The following ZHX2 variants were observed in gnomAD, a reference collection of about 807,000 sequenced individuals.
ZHX2 encodes the protein zinc fingers and homeoboxes protein 2.
In ZHX2, 6 loss-of-function variants were observed where a neutral mutation model predicts 21.9. The ratio of observed to expected loss-of-function variants is 0.27; its 90% CI spans 0.15 to 0.54. The LOEUF (loss-of-function observed/expected upper bound fraction) is 0.54, where lower values mean the gene tolerates loss of function less well. ZHX2 is among the 20% of genes least tolerant of loss of function. ZHX2 has a pLI of 0.95. For missense variants in ZHX2, 908 were observed against 1,090.7 expected (o/e 0.83, Z 2.36); for synonymous variants, 434 against 437.1 (o/e 0.99, Z 0.09).
intron 2 of ZHX2, among the ~76,000 whole-genome samples, chr8:122,883,393 A>T (rs1235398588): frequency 1.3e-5 from 2 of 152,200 alleles, no homozygotes; most frequent in Admixed American, 1.3e-4. Context: ...GGAGAAGGGA[A>T]GCAAGAGAGA....
At chr8:122,946,860 C>T (rs1018714253) in intron 2 of ZHX2, among the ~76,000 whole-genome samples, 3 of 152,086 alleles carry the variant, frequency 2.0e-5, no homozygotes, top group South Asian at 2.1e-4. Context: ...CATGTTCACA[C>T]GTGTGCACAC....
Position 122,951,921 on chromosome 8 carries a change from C to T in ZHX2, c.411C>T (p.Ala137=). ...DHNSKFHPGE[A]NFKLKLIKRN... is the part of the protein sequence containing the mutation. Reference sequence around the variant, plus strand: ...ACTCCAAGTTCCATCCCGGGGAGGCCAACTTCAAGCTGAAGTTAATTAAAC... The same window carrying T: ...ACTCCAAGTTCCATCCCGGGGAGGCTAACTTCAAGCTGAAGTTAATTAAAC... Residue 137 remains alanine, a synonymous_variant, in exon 3 of 4, where the codon GCC becomes GCT. Transcript: ENST00000314393. The T allele has an allele frequency of 1.2e-6, 2 of 1,614,060 alleles. No homozygotes were observed. Among genetic ancestry groups the T allele is most frequent in the Non-Finnish European group, 1.7e-6 (2 of 1,180,016 alleles).
At chr8:122,864,480 A>C (rs12679756) in intron 2 of ZHX2, among the ~76,000 whole-genome samples, 3,072 of 151,924 alleles carry the variant, frequency 0.02, 102 homozygotes, top group African/African-American at 0.069. Context: ...CTCAAAGCAT[A>C]ATGAGAGTTT....
rs530349852 is a variant in ZHX2 at position 122,888,762 on chromosome 8, C to T, written c.-220+25223C>T. 4.6e-5 allele frequency among the ~76,000 whole-genome samples: 7 copies of T among 152,304 alleles called. No homozygotes were observed. In the East Asian group the frequency reaches 9.6e-4, roughly 21 times the overall value. ...CCTCCCAAAGTGCTGGGATTATAGG[C>T]GTGAGCCACCGCGCACAGCCACAAA... On this transcript the variant is annotated intron_variant, in intron 2 of 3. Coordinates refer to ENST00000314393, the MANE Select transcript of ZHX2 (RefSeq NM_014943.5).
At chr8:122,855,309 G>C (rs1331762152) in intron 1 of ZHX2, among the ~76,000 whole-genome samples, 1 of 152,206 alleles carries the variant, frequency 6.6e-6, no homozygotes, top group East Asian at 1.9e-4. Context: ...CTACATACAA[G>C]TTTGTATGTG....
intron 2 of ZHX2, among the ~76,000 whole-genome samples, chr8:122,939,155 G>C (rs985026657): frequency 6.6e-6 from 1 of 152,206 alleles, no homozygotes; most frequent in African/African-American, 2.4e-5. Flanking sequence ...ACTCAAATTA[G>C]CTCACTGGAT....
intron 2 of ZHX2, among the ~76,000 whole-genome samples, chr8:122,926,976 A>T (rs1820875244): frequency 6.6e-6 from 1 of 152,172 alleles, no homozygotes; most frequent in Non-Finnish European, 1.5e-5. Flanking sequence ...TCACATCTGC[A>T]GTATAAGATA....
intron 2 of ZHX2, among the ~76,000 whole-genome samples, chr8:122,926,544 T>C (rs1374211606): frequency 6.6e-6 from 1 of 152,232 alleles, no homozygotes; most frequent in African/African-American, 2.4e-5. Context: ...GGCCCATCGC[T>C]GTGCTGTAGT....
Position 122,953,254 on chromosome 8 carries a change from A to G in ZHX2, c.1744A>G (p.Lys582Glu). The change falls in exon 3 of 4, where the codon AAG becomes GAG. Residue 582 changes from lysine to glutamate, a missense_variant. Around this residue, in one of 4 missense-constraint regions of ZHX2, gnomAD observed 431 missense variants for 428.6 expected, o/e 1.01. Transcript: ENST00000314393. The surrounding 1 kb of genome is among the most constrained non-coding windows in gnomAD (Gnocchi z 4.6). ...EIDSWFSERR[K>E]LRDSMEQAVL... ...CGACTCCTGGTTCTCGGAGAGGCGG[A>G]AGCTTCGAGACAGCATGGAACAAGC... 6.2e-7 allele frequency: 1 copy of G among 1,613,996 alleles called. No individual in the cohort carries two copies. The highest frequency in any genetic ancestry group is 1.1e-5 in the South Asian group (1 of 91,068).
At chr8:122,795,327 T>C (rs1817596255) in intron 1 of ZHX2, among the ~76,000 whole-genome samples, 1 of 152,218 alleles carries the variant, frequency 6.6e-6, no homozygotes, top group Non-Finnish European at 1.5e-5. Flanking sequence ...CAAGTTCAGG[T>C]GCTTTTGGCC....
intron 1 of ZHX2, among the ~76,000 whole-genome samples, chr8:122,792,303 TG>T (rs1400400180): frequency 4.6e-5 from 7 of 152,216 alleles, no homozygotes; most frequent in African/African-American, 1.7e-4. Context: ...CGTTGTAGCA[TG>T]TATTAGTATT....
chr8:122,911,028 T>C (rs751495440), intron 2 of ZHX2, among the ~76,000 whole-genome samples: 3 of 152,092 alleles, frequency 2.0e-5, no homozygotes, highest in Non-Finnish European at 4.4e-5. Context: ...TAGAAAACAA[T>C]AGGAGGTGTT....
intron 1 of ZHX2, among the ~76,000 whole-genome samples, chr8:122,800,758 CAGAGAG>C (rs112122226): frequency 2.0e-5 from 3 of 150,052 alleles, no homozygotes; most frequent in African/African-American, 7.4e-5. Context: ...AGGCGGGGGG[CAGAGAG>C]AGAGAGAGAG....
intron 3 of ZHX2, among the ~76,000 whole-genome samples, chr8:122,955,472 C>T (rs913787018): frequency 2.0e-5 from 3 of 152,190 alleles, no homozygotes; most frequent in Non-Finnish European, 2.9e-5. Flanking sequence ...TGGCTGACCA[C>T]GTCGCTCATT....
chr8:122,965,776 T>C (rs931409451), intron 3 of ZHX2, among the ~76,000 whole-genome samples: 1 of 152,156 alleles, frequency 6.6e-6, no homozygotes, highest in Non-Finnish European at 1.5e-5. Flanking sequence ...ATTGAGTTGC[T>C]GTCTATCTCA....
chr8:122,807,239 C>A (rs1817842519), intron 1 of ZHX2, among the ~76,000 whole-genome samples: 1 of 152,146 alleles, frequency 6.6e-6, no homozygotes, highest in South Asian at 2.1e-4. Flanking sequence ...ATCAACATCA[C>A]TTGGGCCCTG....
chr8:122,941,452 G>A (rs1363996331), intron 2 of ZHX2, among the ~76,000 whole-genome samples: 1 of 152,154 alleles, frequency 6.6e-6, no homozygotes, highest in African/African-American at 2.4e-5. Context: ...CTGTTTCTGT[G>A]GATCGTGTTT....
At chr8:122,783,941 C>A (rs574229575) in intron 1 of ZHX2, among the ~76,000 whole-genome samples, 22 of 152,332 alleles carry the variant, frequency 1.4e-4, no homozygotes, top group Admixed American at 3.3e-4. Context: ...TGTTCTCTTG[C>A]GCACTTGTAC....
chr8:122,838,824 C>T (rs1586312570), intron 1 of ZHX2, among the ~76,000 whole-genome samples: 1 of 152,128 alleles, frequency 6.6e-6, no homozygotes, highest in Admixed American at 6.5e-5. Flanking sequence ...ATCTGCCCGC[C>T]TTGCCCTCCC....
Sources: allele counts gnomAD v4.1 joint callset (sites outside exome capture counted in the v4.1 genomes callset), GRCh38; gene constraint gnomAD v4.1.1; regional missense constraint gnomAD v4.1.1; non-coding constraint Gnocchi (gnomAD v3.1); transcripts MANE v1.5; gene names NCBI Gene and HGNC (gene_info 2026-07-23, HGNC 2026-07-21).